ARHGAP24: variants seen among roughly 807,000 people sequenced by gnomAD.
ARHGAP24 encodes the protein rho GTPase-activating protein 24.
A neutral mutation model predicts 76.4 loss-of-function variants in ARHGAP24; 50 were observed. The observed-to-expected ratio is 0.65, with a 90% CI of 0.52 to 0.83. The LOEUF (loss-of-function observed/expected upper bound fraction) is 0.83. Among genes scored for constraint, ARHGAP24 ranks in the 40% least tolerant of loss-of-function variants. The probability of loss-of-function intolerance (pLI) is 0.00; values close to 1 mark genes in which losing one functional copy is unlikely to be tolerated. For missense variants in ARHGAP24, 930 were observed against 914.2 expected, an observed-to-expected ratio of 1.02 and a Z score of -0.22; for synonymous variants, 345 against 323.3, an observed-to-expected ratio of 1.07 and a Z score of -0.72.
chr4:85,548,999 T>A (rs978593902), intron 1 of ARHGAP24, among the ~76,000 whole-genome samples: 4 of 152,108 alleles, frequency 2.6e-5, no homozygotes, highest in Non-Finnish European at 5.9e-5. Context: ...ATCTACAGTT[T>A]GTTTCTTTTG....
intron 3 of ARHGAP24, among the ~76,000 whole-genome samples, chr4:85,807,762 A>G (rs1378676291): frequency 3.3e-5 from 5 of 152,100 alleles, no homozygotes; most frequent in Non-Finnish European, 5.9e-5. Context: ...TCAGAATTGT[A>G]CCAAGCCACC....
chr4:85,763,690 A>G (rs749155952), intron 3 of ARHGAP24, among the ~76,000 whole-genome samples: 15 of 152,154 alleles, frequency 9.9e-5, no homozygotes, highest in African/African-American at 2.2e-4. Flanking sequence ...CCAAAATATT[A>G]CTAGTAATTC....
chr4:85,889,131 G>T (rs939906599), intron 3 of ARHGAP24, among the ~76,000 whole-genome samples: 1 of 152,084 alleles, frequency 6.6e-6, no homozygotes, highest in Non-Finnish European at 1.5e-5. Flanking sequence ...AACTTATTGG[G>T]TATTTGTTTC....
chr4:85,988,555 G>T (rs7679822), intron 8 of ARHGAP24, among the ~76,000 whole-genome samples: 52 of 150,700 alleles, frequency 3.5e-4, no homozygotes, highest in African/African-American at 1.2e-3. Context: ...AATAAACTGA[G>T]GTATTAGGTA....
chr4:85,553,291 C>T (rs967594755), intron 1 of ARHGAP24, among the ~76,000 whole-genome samples: 6 of 152,214 alleles, frequency 3.9e-5, no homozygotes, highest in African/African-American at 7.2e-5. Context: ...GAAGGGGACC[C>T]GCAGTGGGTT....
chr4:85,920,347 A>T (rs1252481144), intron 3 of ARHGAP24, among the ~76,000 whole-genome samples: 1 of 151,978 alleles, frequency 6.6e-6, no homozygotes, highest in African/African-American at 2.4e-5. Context: ...TAAGTTTCAG[A>T]CTCCTCCCTT....
intron 2 of ARHGAP24, among the ~76,000 whole-genome samples, chr4:85,698,508 C>T (rs186047263): frequency 1.3e-5 from 2 of 152,288 alleles, no homozygotes; most frequent in East Asian, 3.9e-4. Flanking sequence ...AACATCCTTC[C>T]TGGCTTCATA....
In ARHGAP24 at chr4:85,764,507, A is replaced by T. The variant is rs78488339; in HGVS notation, c.268+42535A>T. The stretch of plus-strand genomic sequence containing the variant: ...ATTAACCAGATAAAACACAGGTTTG[A>T]TGCAGCTCTTTTAACCACTGAGCTT... On this transcript the variant is annotated intron_variant, in intron 3 of 9. Coordinates refer to ENST00000395184, the MANE Select transcript of ARHGAP24 (RefSeq NM_001025616.3). 4.2e-3 allele frequency among the ~76,000 whole-genome samples: 640 copies of T among 152,310 alleles called. 4 individuals are homozygous for T. The highest frequency in any genetic ancestry group is 7.7e-3 in the Non-Finnish European group (524 of 68,006).
At chr4:85,717,484 T>TA (rs1407698315) in intron 2 of ARHGAP24, among the ~76,000 whole-genome samples, 1 of 152,140 alleles carries the variant, frequency 6.6e-6, no homozygotes, top group African/African-American at 2.4e-5. Context: ...ATACCAAGTG[T>TA]AACATCCTCT....
At chr4:85,658,771 T>C (rs1458648694) in intron 2 of ARHGAP24, among the ~76,000 whole-genome samples, 2 of 152,236 alleles carry the variant, frequency 1.3e-5, no homozygotes, top group African/African-American at 4.8e-5. Flanking sequence ...GTTGATAGTA[T>C]GTCTGGCTGG....
At position 85,622,835 on chromosome 4, in the gene ARHGAP24, T is replaced by C. The variant is rs1560557035; in HGVS notation, c.180+52114T>C. On this transcript the variant is annotated intron_variant, in intron 2 of 9. Coordinates refer to ENST00000395184, the MANE Select transcript of ARHGAP24 (RefSeq NM_001025616.3). ...CTCATTGTGGTTTTGATTTGCATTT[T>C]TCTGATGGCCAGTGATGATGAGCAT... Among the ~76,000 whole-genome samples the C allele has an allele frequency of 2.6e-5, 4 of 152,298 alleles. No individual in the cohort carries two copies. In the East Asian group the frequency reaches 5.8e-4, roughly 22 times the overall value.
At chr4:85,888,119 T>C (rs1733668023) in intron 3 of ARHGAP24, among the ~76,000 whole-genome samples, 1 of 152,076 alleles carries the variant, frequency 6.6e-6, no homozygotes. Flanking sequence ...AAATTCTATC[T>C]GTGCTGGGCG....
chr4:85,888,443 C>T (rs933045351), intron 3 of ARHGAP24, among the ~76,000 whole-genome samples: 3 of 149,164 alleles, frequency 2.0e-5, no homozygotes, highest in Non-Finnish European at 4.4e-5. Context: ...TCTATCTGTA[C>T]AGGAGTGATG....
At chr4:85,853,452 CCTG>C (rs1299253307) in intron 3 of ARHGAP24, among the ~76,000 whole-genome samples, 8 of 152,172 alleles carry the variant, frequency 5.3e-5, no homozygotes, top group African/African-American at 1.9e-4. Context: ...GATGCCCCGC[CCTG>C]CTTCGGCTCA....
intron 3 of ARHGAP24, among the ~76,000 whole-genome samples, chr4:85,777,577 G>T (rs7678983): frequency 0.89 from 135,387 of 152,178 alleles, 62,410 homozygotes; most frequent in East Asian, 1. Context: ...AGGATATAAA[G>T]AAATCAAGGA....
intron 2 of ARHGAP24, among the ~76,000 whole-genome samples, chr4:85,602,240 G>A (rs569119592): frequency 3.3e-5 from 5 of 152,146 alleles, no homozygotes; most frequent in African/African-American, 7.2e-5. Flanking sequence ...CATATCTCAC[G>A]TAATTTCCCA....
chr4:85,490,628 C>A (rs2110093261), intron 1 of ARHGAP24, among the ~76,000 whole-genome samples: 1 of 152,218 alleles, frequency 6.6e-6, no homozygotes, highest in Non-Finnish European at 1.5e-5. Flanking sequence ...TATAGTTAAA[C>A]AATCAAGCCA....
intron 3 of ARHGAP24, among the ~76,000 whole-genome samples, chr4:85,770,552 A>G (rs1356575441): frequency 6.6e-6 from 1 of 152,232 alleles, no homozygotes; most frequent in Non-Finnish European, 1.5e-5. Flanking sequence ...CTCAATCCTC[A>G]AAGATGGATA....
intron 2 of ARHGAP24, among the ~76,000 whole-genome samples, chr4:85,574,791 C>T (rs1454678979): frequency 1.3e-5 from 2 of 152,094 alleles, no homozygotes; most frequent in South Asian, 2.1e-4. Flanking sequence ...TATGAGAACA[C>T]ACTATATCTG....
Sources: gnomAD v4.1 joint callset for allele counts (sites outside exome capture counted in the v4.1 genomes callset) on GRCh38, gnomAD v4.1.1 for gene constraint, MANE v1.5 for transcripts, NCBI Gene and HGNC (gene_info 2026-07-23, HGNC 2026-07-21) for gene names.